P2RY6: variants seen among roughly 807,000 people sequenced by gnomAD.
P2RY6 encodes pyrimidinergic receptor P2Y6.
A neutral mutation model predicts 16.3 loss-of-function variants in P2RY6; 19 were observed. The ratio of observed to expected loss-of-function variants is 1.16; its 90% CI spans 0.81 to 1.71. The LOEUF is 1.71. Among genes scored for constraint, P2RY6 ranks in the 40% most tolerant of loss-of-function variants. P2RY6 has a pLI of 0.00. For synonymous variants in P2RY6, 184 were observed against 201.5 expected (o/e 0.91, Z 0.74); for missense variants, 389 against 455.5 (o/e 0.85, Z 1.33).
At chr11:73,267,319 G>A (rs754876778) in intron 1 of P2RY6, among the ~76,000 whole-genome samples, 1 of 152,174 alleles carries the variant, frequency 6.6e-6, no homozygotes, top group African/African-American at 2.4e-5. Context: ...ATGGCCATAT[G>A]CTCTCTGGGG....
chr11:73,286,241 G>A (rs1863967361), intron 1 of P2RY6, among the ~76,000 whole-genome samples: 1 of 152,074 alleles, frequency 6.6e-6, no homozygotes, highest in Admixed American at 6.5e-5. Flanking sequence ...CTGCCAGGTG[G>A]GCTCAGGCCC....
upstream of P2RY6, among the ~76,000 whole-genome samples, chr11:73,271,251 A>T (rs7123808): frequency 6.6e-6 from 1 of 151,866 alleles, no homozygotes; most frequent in Non-Finnish European, 1.5e-5. Flanking sequence ...GGAGGGGAGG[A>T]TTGCCTGGGG....
At chr11:73,276,878 AT>A (rs1863559929) in intron 1 of P2RY6, among the ~76,000 whole-genome samples, 1 of 152,200 alleles carries the variant, frequency 6.6e-6, no homozygotes, top group Non-Finnish European at 1.5e-5. Flanking sequence ...TTATGTCTTA[AT>A]TTTGTTTAAA....
upstream of P2RY6, among the ~76,000 whole-genome samples, chr11:73,267,464 G>A (rs1452013280): frequency 6.6e-6 from 1 of 152,176 alleles, no homozygotes; most frequent in South Asian, 2.1e-4. Context: ...CCCTCAGGAT[G>A]AGGGAATTGT....
Position 73,297,044 on chromosome 11 carries a change from G to A in P2RY6, c.526G>A (p.Val176Ile). 1 of 1,600,940 alleles carries A rather than the reference G, an allele frequency of 6.2e-7. No homozygotes were observed. Among genetic ancestry groups the A allele is most frequent in the Non-Finnish European group, 8.5e-7 (1 of 1,179,942 alleles). Reference protein sequence around the residue: ...AATGIQRNRTVCYDLSPPALA... With the variant: ...AATGIQRNRTICYDLSPPALA... ...CACAGGCATCCAGCGTAACCGCACT[G>A]TCTGCTATGACCTCAGCCCGCCTGC... The change falls in exon 3 of 3, where the codon GTC becomes ATC. Residue 176 changes from valine to isoleucine, a missense_variant. Coordinates refer to ENST00000540124, the MANE Select transcript of P2RY6 (RefSeq NM_001277204.2).
upstream of P2RY6, among the ~76,000 whole-genome samples, chr11:73,268,807 C>T (rs1863188438): frequency 6.6e-6 from 1 of 152,244 alleles, no homozygotes; most frequent in East Asian, 1.9e-4. Context: ...GGTGTTTTCC[C>T]TCCTGACTCC....
upstream of P2RY6, among the ~76,000 whole-genome samples, chr11:73,269,690 G>A (rs1410991530): frequency 6.6e-6 from 1 of 152,196 alleles, no homozygotes; most frequent in African/African-American, 2.4e-5. Flanking sequence ...GCATCTTCCA[G>A]CACAGGTACA....
intron 1 of P2RY6, among the ~76,000 whole-genome samples, chr11:73,287,521 G>A (rs1024176448): frequency 2.6e-5 from 4 of 152,222 alleles, no homozygotes; most frequent in African/African-American, 9.6e-5. Flanking sequence ...GGAACTGGGT[G>A]GGAAGAAGCT....
At chr11:73,278,690 G>A (rs914304620) in intron 1 of P2RY6, among the ~76,000 whole-genome samples, 2 of 152,170 alleles carry the variant, frequency 1.3e-5, no homozygotes, top group Non-Finnish European at 2.9e-5. Context: ...GTTGTAGTAT[G>A]TATCAGAATT....
At chr11:73,285,061 G>A (rs1232132137) in intron 1 of P2RY6, among the ~76,000 whole-genome samples, 1 of 152,176 alleles carries the variant, frequency 6.6e-6, no homozygotes, top group East Asian at 1.9e-4. Flanking sequence ...GTGACCACCT[G>A]AGGGGGTCTG....
At chr11:73,293,957 C>G (rs888001520) in intron 1 of P2RY6, among the ~76,000 whole-genome samples, 9 of 152,104 alleles carry the variant, frequency 5.9e-5, no homozygotes, top group African/African-American at 2.2e-4. Flanking sequence ...GACTGGTCTC[C>G]TCAGACCCTG....
At chr11:73,278,047 G>A (rs1863612215) in intron 1 of P2RY6, among the ~76,000 whole-genome samples, 2 of 152,166 alleles carry the variant, frequency 1.3e-5, no homozygotes, top group South Asian at 2.1e-4. Flanking sequence ...ATAACAAAAT[G>A]TATGATTTTA....
At chr11:73,270,720 G>C (rs560765967), upstream of P2RY6, among the ~76,000 whole-genome samples, 1 of 152,274 alleles carries the variant, frequency 6.6e-6, no homozygotes, top group South Asian at 2.1e-4. Context: ...GTGGCCCTGA[G>C]TTGCTGCCTG....
At chr11:73,293,531 C>T (rs769620336) in intron 1 of P2RY6, among the ~76,000 whole-genome samples, 11 of 152,186 alleles carry the variant, frequency 7.2e-5, no homozygotes, top group Non-Finnish European at 1.0e-4. Flanking sequence ...CAGATGTCAG[C>T]GCCAAGGTCA....
rs1864568192 is a variant in P2RY6, at chr11:73,297,577, A to C, written c.*72A>C. 4.2e-6 allele frequency: 5 copies of C among 1,193,234 alleles called. No individual in the cohort carries two copies. The highest frequency in any genetic ancestry group is 6.0e-6 in the Non-Finnish European group (5 of 832,036). The allele number at this position is 1,193,234 out of a possible 1,614,324, so 73.9% of individuals were successfully genotyped here. A position where few individuals can be genotyped will look rare whatever the true frequency, so the allele number is the denominator to read the frequency against. On this transcript the variant is annotated 3_prime_UTR_variant, in exon 3 of 3. Coordinates refer to ENST00000540124, the MANE Select transcript of P2RY6 (RefSeq NM_001277204.2). Reference sequence around the variant, plus strand: ...GCACCAGGAGCCCCACCAACCCCAAACCATGCGGAGAATTAGAGTTCAGCT... The same window carrying C: ...GCACCAGGAGCCCCACCAACCCCAACCCATGCGGAGAATTAGAGTTCAGCT...
intron 1 of P2RY6, chr11:73,292,885 GGA>G (rs1864317927): frequency 1.0e-6 from 1 of 984,932 alleles, no homozygotes; most frequent in African/African-American, 1.8e-5. Context: ...AACACACTTG[GGA>G]CCACCAGCGT....
intron 1 of P2RY6, among the ~76,000 whole-genome samples, chr11:73,291,098 C>T (rs1864226328): frequency 1.3e-5 from 2 of 152,188 alleles, no homozygotes; most frequent in Admixed American, 6.5e-5. Flanking sequence ...TTTCTTTCTC[C>T]ATCTGTCAAG....
chr11:73,292,146 A>G (rs1198801479), intron 1 of P2RY6, among the ~76,000 whole-genome samples: 2 of 152,146 alleles, frequency 1.3e-5, no homozygotes, highest in Non-Finnish European at 2.9e-5. Flanking sequence ...CATCACATCT[A>G]TCTCCACAGC....
intron 1 of P2RY6, among the ~76,000 whole-genome samples, chr11:73,280,747 GCA>G (rs1490398336): frequency 2.6e-5 from 4 of 152,200 alleles, no homozygotes; most frequent in African/African-American, 9.6e-5. Flanking sequence ...CTGACGAGGG[GCA>G]AAAGAAGAGC....
Sources: gnomAD v4.1 joint callset for allele counts (sites outside exome capture counted in the v4.1 genomes callset) on GRCh38, gnomAD v4.1.1 for gene constraint, MANE v1.5 for transcripts, NCBI Gene and HGNC (gene_info 2026-07-23, HGNC 2026-07-21) for gene names.